CCDC60: variants seen among roughly 807,000 people sequenced by gnomAD.
The protein encoded by CCDC60 is coiled-coil domain containing 60.
Under a neutral mutation model 63.5 loss-of-function variants are expected in CCDC60, and 54 were observed. That is an observed-to-expected ratio of 0.85 (90% CI 0.68 to 1.07). CCDC60 has a LOEUF of 1.07. Ranked by LOEUF, CCDC60 falls within the 50% of genes least tolerant of loss-of-function variation. The pLI, the probability that CCDC60 is intolerant of heterozygous loss-of-function variation, is 0.00. For synonymous variants in CCDC60, 206 were observed against 238.8 expected (o/e 0.86, Z 1.27); for missense variants, 651 against 684.3 (o/e 0.95, Z 0.54).
At chr12:119,514,422 CAGGT>C (rs2136465989) in intron 7 of CCDC60, among the ~76,000 whole-genome samples, 1 of 150,532 alleles carries the variant, frequency 6.6e-6, no homozygotes, top group South Asian at 2.1e-4. Flanking sequence ...CTCCCATCAT[CAGGT>C]GATCCACCCA....
In CCDC60 at chr12:119,479,071, TTCTC is replaced by T. The variant is rs1951242220; in HGVS notation, c.342-21_342-18del. The T allele has an allele frequency of 6.5e-7, 1 of 1,546,320 alleles. No homozygotes were observed. The highest frequency in any genetic ancestry group is 2.2e-5 in the East Asian group (1 of 44,616). On this transcript the variant is annotated intron_variant, in intron 3 of 13. Transcript: ENST00000327554. ...AGCTACTGCTCATTGTTCACATTGTTTCTCTGTCTGCTTGTCCTTCAGCACATAT... is the reference window on the plus strand; with the variant it reads ...AGCTACTGCTCATTGTTCACATTGTTTGTCTGCTTGTCCTTCAGCACATAT...
intron 4 of CCDC60, among the ~76,000 whole-genome samples, chr12:119,488,063 G>A (rs1226704066): frequency 2.0e-5 from 3 of 152,122 alleles, no homozygotes; most frequent in Non-Finnish European, 2.9e-5. Flanking sequence ...CAACCCACCC[G>A]CCTCAGCCTC....
At chr12:119,470,002 A>T (rs1951025273) in intron 2 of CCDC60, among the ~76,000 whole-genome samples, 1 of 152,248 alleles carries the variant, frequency 6.6e-6, no homozygotes, top group Non-Finnish European at 1.5e-5. Context: ...GGCTCACTTA[A>T]GAACCCAAGG....
At chr12:119,340,770 C>T (rs944994672) in intron 1 of CCDC60, among the ~76,000 whole-genome samples, 3 of 152,134 alleles carry the variant, frequency 2.0e-5, no homozygotes, top group South Asian at 2.1e-4. Flanking sequence ...AGATAAATGG[C>T]GGGCTGTAGT....
intron 1 of CCDC60, among the ~76,000 whole-genome samples, chr12:119,353,564 C>T (rs1257174845): frequency 6.8e-6 from 1 of 146,688 alleles, no homozygotes; most frequent in African/African-American, 2.5e-5. Context: ...TTCTCTCCTT[C>T]TCTCTCCCCT....
At chr12:119,391,191 C>T (rs1268831011) in intron 1 of CCDC60, among the ~76,000 whole-genome samples, 1 of 152,164 alleles carries the variant, frequency 6.6e-6, no homozygotes, top group Non-Finnish European at 1.5e-5. Context: ...TCCTCTAAGC[C>T]ACAGTAGGAC....
At chr12:119,506,022 C>A (rs1951990090) in intron 7 of CCDC60, among the ~76,000 whole-genome samples, 1 of 152,122 alleles carries the variant, frequency 6.6e-6, no homozygotes, top group Non-Finnish European at 1.5e-5. Context: ...ATATAATTTA[C>A]ATACCATAAA....
chr12:119,449,293 C>A (rs982178743), intron 2 of CCDC60, among the ~76,000 whole-genome samples: 3 of 152,168 alleles, frequency 2.0e-5, no homozygotes, highest in Admixed American at 6.5e-5. Context: ...AGGTCAGAGA[C>A]TGCATTACAA....
At chr12:119,539,524 T>C (rs2695510) in intron 13 of CCDC60, among the ~76,000 whole-genome samples, 100,357 of 152,018 alleles carry the variant, frequency 0.66, 34,929 homozygotes, top group East Asian at 0.92. Flanking sequence ...ATGGCGGACG[T>C]CCCTCCCCCC....
chr12:119,385,702 G>A (rs1484908344), intron 1 of CCDC60, among the ~76,000 whole-genome samples: 1 of 152,204 alleles, frequency 6.6e-6, no homozygotes, highest in Admixed American at 6.5e-5. Context: ...TGGAGTCTCT[G>A]TTCCCAGTCT....
chr12:119,418,036 A>G (rs573703599), intron 1 of CCDC60, among the ~76,000 whole-genome samples: 139 of 152,274 alleles, frequency 9.1e-4, no homozygotes, highest in African/African-American at 3.2e-3. Flanking sequence ...TTCCAAACCT[A>G]CAGAAAGTTT....
At chr12:119,521,405 T>C (rs1007325826) in intron 9 of CCDC60, among the ~76,000 whole-genome samples, 2 of 152,078 alleles carry the variant, frequency 1.3e-5, no homozygotes, top group Non-Finnish European at 2.9e-5. Flanking sequence ...AGCCATAACA[T>C]CATGACTGTG....
At chr12:119,531,849 A>G (rs780176713) in intron 13 of CCDC60, among the ~76,000 whole-genome samples, 1 of 152,234 alleles carries the variant, frequency 6.6e-6, no homozygotes, top group Non-Finnish European at 1.5e-5. Flanking sequence ...GTCAAAATGC[A>G]TCAGCAATAC....
intron 1 of CCDC60, among the ~76,000 whole-genome samples, chr12:119,383,980 A>G (rs1431347884): frequency 6.6e-6 from 1 of 152,076 alleles, no homozygotes; most frequent in East Asian, 1.9e-4. Flanking sequence ...GCGGATCACG[A>G]GGTCAGGAGA....
chr12:119,372,202 G>A (rs1955905166), intron 1 of CCDC60, among the ~76,000 whole-genome samples: 1 of 152,132 alleles, frequency 6.6e-6, no homozygotes, highest in African/African-American at 2.4e-5. Flanking sequence ...AGAGTTTGCA[G>A]TGAGCTGAGA....
intron 3 of CCDC60, among the ~76,000 whole-genome samples, chr12:119,477,549 A>C (rs538858162): frequency 6.6e-6 from 1 of 152,354 alleles, no homozygotes; most frequent in African/African-American, 2.4e-5. Context: ...GGCAGCCCCC[A>C]GCTCAGAGAA....
At chr12:119,531,135 C>T in intron 13 of CCDC60, 72 bp downstream of exon 13, 1 of 1,343,766 alleles carries the variant, frequency 7.4e-7, no homozygotes, top group Non-Finnish European at 1.0e-6. Flanking sequence ...CATTCAGGCA[C>T]TGTTTAAGTG....
Position 119,530,977 on chromosome 12 carries a change from C to T in CCDC60, c.1465C>T (p.Arg489Trp), listed in dbSNP as rs748181514. ...LQKFGENLDL[R>W]IRPHVLLKVL... Reference sequence around the variant, plus strand: ...GAAGTTTGGAGAAAACCTGGACTTGCGGATTCGACCCCATGTCCTCCTGAA... The same window carrying T: ...GAAGTTTGGAGAAAACCTGGACTTGTGGATTCGACCCCATGTCCTCCTGAA... The change falls in exon 13 of 14, where the codon CGG becomes TGG. Residue 489 changes from arginine to tryptophan, a missense_variant. By Grantham distance (101) the Arg-to-Trp change is moderately radical. Transcript: ENST00000327554. 21 of 1,614,014 alleles carry T rather than the reference C, an allele frequency of 1.3e-5. No individual in the cohort carries two copies. Among genetic ancestry groups the T allele is most frequent in the South Asian group, 9.9e-5 (9 of 91,076 alleles).
At chr12:119,388,981 T>G (rs1223291050) in intron 1 of CCDC60, among the ~76,000 whole-genome samples, 2 of 152,192 alleles carry the variant, frequency 1.3e-5, no homozygotes, top group Non-Finnish European at 2.9e-5. Flanking sequence ...TTTCTTGTGA[T>G]CTCATACCAT....
Sources: allele counts gnomAD v4.1 joint callset (sites outside exome capture counted in the v4.1 genomes callset), GRCh38; gene constraint gnomAD v4.1.1; transcripts MANE v1.5; gene names NCBI Gene and HGNC (gene_info 2026-07-23, HGNC 2026-07-21).